The following PIP5K1B variants were observed in gnomAD, a reference collection of about 807,000 sequenced individuals.
PIP5K1B encodes the protein phosphatidylinositol-4-phosphate 5-kinase type 1 beta, also known as phosphatidylinositol 4-phosphate 5-kinase type-1 beta.
PIP5K1B carries 42 observed loss-of-function variants against 67.0 expected under a neutral mutation model. That is an observed-to-expected ratio of 0.63 (90% confidence interval 0.49 to 0.81). The LOEUF is 0.81. PIP5K1B is among the 30% of genes least tolerant of loss of function. The pLI is 0.00. For missense variants in PIP5K1B, 459 were observed against 646.3 expected (o/e 0.71, Z 3.14); for synonymous variants, 214 against 231.4 (o/e 0.92, Z 0.68).
chr9:68,840,803 C>A (rs12341382), intron 4 of PIP5K1B, among the ~76,000 whole-genome samples: 1 of 152,262 alleles, frequency 6.6e-6, no homozygotes, highest in South Asian at 2.1e-4. Context: ...CAACCTTGAT[C>A]GTATTTGCAA....
chr9:68,994,159 G>A (rs4478639), intron 15 of PIP5K1B, among the ~76,000 whole-genome samples: 47,654 of 149,956 alleles, frequency 0.32, 8,480 homozygotes, highest in Non-Finnish European at 0.4. Flanking sequence ...TCCTGCCTCA[G>A]CCTCCTAAGT....
intron 14 of PIP5K1B, among the ~76,000 whole-genome samples, chr9:68,948,502 G>A (rs994574228): frequency 1.1e-4 from 17 of 152,070 alleles, no homozygotes; most frequent in African/African-American, 4.1e-4. Context: ...AAACACATCT[G>A]AGCATGGTGG....
chr9:68,793,065 C>A (rs541436810), intron 2 of PIP5K1B, among the ~76,000 whole-genome samples: 15 of 74,946 alleles, frequency 2.0e-4, no homozygotes, highest in Middle Eastern at 6.0e-3. Flanking sequence ...TAAATTTACA[C>A]ATATAAAGTG....
chr9:68,739,341 T>C (rs1363839955), intron 1 of PIP5K1B, among the ~76,000 whole-genome samples: 2 of 152,220 alleles, frequency 1.3e-5, no homozygotes, highest in African/African-American at 4.8e-5. Context: ...CTTCATACAA[T>C]CTAGCCTTTG....
intron 14 of PIP5K1B, among the ~76,000 whole-genome samples, chr9:68,984,477 C>A (rs1830017639): frequency 6.6e-6 from 1 of 152,126 alleles, no homozygotes; most frequent in Non-Finnish European, 1.5e-5. Context: ...ACACTCAATA[C>A]CAAGACAATA....
chr9:68,827,601 AG>A (rs1184720835), intron 4 of PIP5K1B, among the ~76,000 whole-genome samples: 1 of 152,198 alleles, frequency 6.6e-6, no homozygotes, highest in East Asian at 1.9e-4. Flanking sequence ...CAAGTTGTAC[AG>A]GGTTGAGGGA....
chr9:68,804,028 G>A (rs1456686035), intron 2 of PIP5K1B, among the ~76,000 whole-genome samples: 3 of 152,128 alleles, frequency 2.0e-5, no homozygotes, highest in Non-Finnish European at 4.4e-5. Flanking sequence ...CCAGGAGGCC[G>A]GATTGCTGTG....
chr9:69,004,622 G>A (rs978892462), intron 15 of PIP5K1B, among the ~76,000 whole-genome samples: 2 of 152,078 alleles, frequency 1.3e-5, no homozygotes, highest in African/African-American at 4.8e-5. Flanking sequence ...TAATCTTTTG[G>A]GCAATAATGC....
At chr9:68,918,184 G>A (rs1295988524) in intron 9 of PIP5K1B, among the ~76,000 whole-genome samples, 1 of 150,928 alleles carries the variant, frequency 6.6e-6, no homozygotes, top group African/African-American at 2.4e-5. Flanking sequence ...CCACCTCCCA[G>A]GTTCAAGCGA....
chr9:68,835,119 A>G (rs1345547242), intron 4 of PIP5K1B, among the ~76,000 whole-genome samples: 2 of 152,238 alleles, frequency 1.3e-5, no homozygotes, highest in African/African-American at 4.8e-5. Flanking sequence ...AAGAAACAAG[A>G]TCAATGATTG....
intron 12 of PIP5K1B, among the ~76,000 whole-genome samples, chr9:68,927,399 G>A (rs954857013): frequency 1.3e-5 from 2 of 152,148 alleles, no homozygotes; most frequent in Admixed American, 6.5e-5. Flanking sequence ...CAACATATAC[G>A]AGTTCCAGTT....
chr9:68,891,907 A>T (rs1288950435), intron 7 of PIP5K1B, among the ~76,000 whole-genome samples: 1 of 152,206 alleles, frequency 6.6e-6, no homozygotes, highest in African/African-American at 2.4e-5. Context: ...TAGAAAAATA[A>T]GTAAATAAAG....
At chr9:68,869,173 A>C (rs1458490227) in intron 5 of PIP5K1B, among the ~76,000 whole-genome samples, 1 of 152,192 alleles carries the variant, frequency 6.6e-6, no homozygotes, top group Non-Finnish European at 1.5e-5. Flanking sequence ...GTACCAGTCC[A>C]TGGCTTGTTA....
intron 14 of PIP5K1B, among the ~76,000 whole-genome samples, chr9:68,959,178 G>A (rs751351096): frequency 5.3e-5 from 8 of 152,034 alleles, no homozygotes; most frequent in South Asian, 2.1e-4. Context: ...TATGATAGAG[G>A]AAATTTGGAA....
intron 2 of PIP5K1B, among the ~76,000 whole-genome samples, chr9:68,793,922 G>A (rs1564140932): frequency 1.3e-5 from 2 of 152,176 alleles, no homozygotes; most frequent in African/African-American, 4.8e-5. Flanking sequence ...CTATAACATT[G>A]AAAGATCAGG....
At chr9:68,767,503 G>A (rs1564118866) in intron 2 of PIP5K1B, among the ~76,000 whole-genome samples, 1 of 151,316 alleles carries the variant, frequency 6.6e-6, no homozygotes, top group South Asian at 2.1e-4. Flanking sequence ...CTGAGGCAGG[G>A]GAATCGCTTG....
chr9:68,961,085 C>CT (rs1828709895), intron 14 of PIP5K1B, among the ~76,000 whole-genome samples: 1 of 152,056 alleles, frequency 6.6e-6, no homozygotes, highest in Admixed American at 6.6e-5. Context: ...TGGCGGGCGC[C>CT]TGTAGTCCCA....
At chr9:68,895,265 T>TAAAAAAA (rs11342436) in intron 8 of PIP5K1B, among the ~76,000 whole-genome samples, 2 of 121,114 alleles carry the variant, frequency 1.7e-5, no homozygotes, top group Non-Finnish European at 3.4e-5. Flanking sequence ...TGCAATGCTT[T>TAAAAAAA]AAAAAAAAAA....
chr9:68,882,268 G>C (rs1387308277), intron 6 of PIP5K1B, among the ~76,000 whole-genome samples: 1 of 152,186 alleles, frequency 6.6e-6, no homozygotes. Flanking sequence ...TGGCTTAGAA[G>C]AGAATGTGGT....
Sources: gnomAD v4.1 joint callset for allele counts (sites outside exome capture counted in the v4.1 genomes callset) on GRCh38, gnomAD v4.1.1 for gene constraint, MANE v1.5 for transcripts, NCBI Gene and HGNC (gene_info 2026-07-23, HGNC 2026-07-21) for gene names.